AFF3: variants seen among roughly 807,000 people sequenced by gnomAD.
AFF3 encodes ALF transcription elongation factor 3.
In AFF3, 32 loss-of-function variants were observed where a neutral mutation model predicts 129.7. The observed-to-expected ratio is 0.25, with a 90% CI of 0.19 to 0.33. The LOEUF is 0.33. AFF3 is among the 10% of genes least tolerant of loss of function. The probability of loss-of-function intolerance (pLI) is 1.00; values close to 1 mark genes in which losing one functional copy is unlikely to be tolerated. For missense variants in AFF3, 1,373 were observed against 1,592.0 expected (o/e 0.86, Z 2.34); for synonymous variants, 644 against 635.4 (o/e 1.01, Z -0.20).
At chr2:99,588,996 T>C (rs1031703681) in intron 15 of AFF3, among the ~76,000 whole-genome samples, 1 of 152,222 alleles carries the variant, frequency 6.6e-6, no homozygotes, top group Non-Finnish European at 1.5e-5. Context: ...CCATAAGTAA[T>C]ACAACTATTT....
rs1252445890 is a variant in AFF3 at position 99,689,658 on chromosome 2, A to T, written c.1092-17069T>A. The stretch of plus-strand genomic sequence containing the variant: ...AGACACAGGTATTTATTTAATTGCA[A>T]AAAAAAAAAAAAAAAAAAAAAAAAA... On this transcript the variant is annotated intron_variant, in intron 11 of 24. Transcript: ENST00000672756. 2.5e-3 allele frequency among the ~76,000 whole-genome samples: 18 copies of T among 7,178 alleles called. 1 individual carries two copies. The highest frequency in any genetic ancestry group is 6.7e-3 in the Admixed American group (4 of 596). The allele number at this position is 7,178 out of a possible 152,430, so 4.7% of individuals were successfully genotyped here. A position where few individuals can be genotyped will look rare whatever the true frequency, so the allele number is the denominator to read the frequency against.
intron 22 of AFF3, among the ~76,000 whole-genome samples, chr2:99,558,206 G>C (rs1165796067): frequency 1.3e-5 from 2 of 152,156 alleles, no homozygotes; most frequent in Non-Finnish European, 2.9e-5. Context: ...TGGCTCTAAG[G>C]GGTTACTTCT....
chr2:99,801,796 G>A (rs1685965030), intron 8 of AFF3, among the ~76,000 whole-genome samples: 2 of 152,310 alleles, frequency 1.3e-5, no homozygotes, highest in African/African-American at 4.8e-5. Flanking sequence ...TCTATAGCAT[G>A]AGTTACTTAT....
chr2:100,056,346 C>T (rs10209201), intron 4 of AFF3, among the ~76,000 whole-genome samples: 23,237 of 152,136 alleles, frequency 0.15, 2,005 homozygotes, highest in East Asian at 0.28. Flanking sequence ...TGTTCACAAA[C>T]GTCTGCTTAA....
chr2:99,780,482 T>C (rs1391641435), intron 8 of AFF3, among the ~76,000 whole-genome samples: 1 of 152,202 alleles, frequency 6.6e-6, no homozygotes, highest in African/African-American at 2.4e-5. Flanking sequence ...GATATACTTA[T>C]GTTCTGGATG....
chr2:99,948,067 A>G (rs1675806023), intron 7 of AFF3, among the ~76,000 whole-genome samples: 1 of 152,054 alleles, frequency 6.6e-6, no homozygotes, highest in Non-Finnish European at 1.5e-5. Flanking sequence ...AAGCAATAAA[A>G]CCAAGTTGCT....
At chr2:100,047,177 C>T (rs1685905986) in intron 4 of AFF3, among the ~76,000 whole-genome samples, 1 of 152,256 alleles carries the variant, frequency 6.6e-6, no homozygotes, top group African/African-American at 2.4e-5. Flanking sequence ...AGGGCCTCTC[C>T]ACCGTCGCTG....
chr2:99,862,694 G>C (rs1691084240), intron 7 of AFF3, among the ~76,000 whole-genome samples: 1 of 152,224 alleles, frequency 6.6e-6, no homozygotes, highest in Admixed American at 6.5e-5. Context: ...ACATAAAAGG[G>C]ACCTTTGAAA....
At chr2:99,726,466 T>A (rs1427490100) in intron 11 of AFF3, among the ~76,000 whole-genome samples, 1 of 152,256 alleles carries the variant, frequency 6.6e-6, no homozygotes, top group African/African-American at 2.4e-5. Context: ...ATGAATTTTT[T>A]AATTTAAATG....
intron 8 of AFF3, among the ~76,000 whole-genome samples, chr2:99,832,394 T>C (rs958294453): frequency 2.0e-5 from 3 of 152,230 alleles, no homozygotes; most frequent in African/African-American, 7.2e-5. Flanking sequence ...AGATTCTGAA[T>C]TAAGGTGGTC....
At chr2:99,628,874 C>CCAT in intron 13 of AFF3, among the ~76,000 whole-genome samples, 1 of 152,104 alleles carries the variant, frequency 6.6e-6, no homozygotes, top group East Asian at 1.9e-4. Context: ...GCGCGTGCCA[C>CCAT]CATGCCCAGT....
chr2:99,855,206 T>C (rs1273221592), intron 7 of AFF3, among the ~76,000 whole-genome samples: 4 of 152,196 alleles, frequency 2.6e-5, no homozygotes, highest in Admixed American at 2.6e-4. Context: ...AAAGGGTTTC[T>C]TTTGGGTGTG....
At chr2:99,880,403 G>T (rs145720648) in intron 7 of AFF3, among the ~76,000 whole-genome samples, 3 of 152,066 alleles carry the variant, frequency 2.0e-5, no homozygotes, top group African/African-American at 7.2e-5. Context: ...TTTTCCCCTC[G>T]GGAAAGACCA....
intron 8 of AFF3, among the ~76,000 whole-genome samples, chr2:99,753,193 A>G (rs1681810189): frequency 6.6e-6 from 1 of 152,058 alleles, no homozygotes; most frequent in African/African-American, 2.4e-5. Context: ...TCTGCCTCCC[A>G]GGTTCAAGTG....
Position 100,142,510 on chromosome 2 carries a change from T to A in AFF3, c.-254A>T, listed in dbSNP as rs748333312. On this transcript the variant is annotated 5_prime_UTR_variant, in exon 1 of 25. Coordinates refer to ENST00000672756, the MANE Select transcript of AFF3 (RefSeq NM_001386135.1). ...TCTCAGCTCCCGTTCCTTTTCTTTC[T>A]CTCCCCAGTAAGTCGTTGAACGTCT... 5 of 152,312 alleles carry A rather than the reference T, an allele frequency of 3.3e-5. No individual in the cohort carries two copies. Among genetic ancestry groups the A allele is most frequent in the Non-Finnish European group, 7.3e-5 (5 of 68,082 alleles). The allele number at this position is 152,312 out of a possible 1,614,324, so 9.4% of individuals were successfully genotyped here.
intron 12 of AFF3, among the ~76,000 whole-genome samples, chr2:99,650,912 G>A (rs1290490153): frequency 6.6e-6 from 1 of 151,374 alleles, no homozygotes; most frequent in African/African-American, 2.4e-5. Context: ...GGTGGCTCAC[G>A]CCTGTAATCC....
chr2:99,550,930 T>C lies in AFF3; in HGVS notation c.*544A>G, dbSNP rs1379402248. On this transcript the variant is annotated 3_prime_UTR_variant, in exon 25 of 25. Transcript: ENST00000672756. ...CTTATTTTCATTATTCAATTACCCA[T>C]TAATACATACCAATCAAAAAATAAT... 2 of 294,450 alleles carry C rather than the reference T, an allele frequency of 6.8e-6. No homozygotes were observed. The highest frequency in any genetic ancestry group is 4.3e-5 in the African/African-American group (2 of 46,814). 18.2% of individuals were successfully genotyped at this position (294,450 alleles called of 1,614,324 possible). A position where few individuals can be genotyped will look rare whatever the true frequency, so the allele number is the denominator to read the frequency against.
intron 7 of AFF3, among the ~76,000 whole-genome samples, chr2:99,933,660 G>A (rs1258194336): frequency 6.6e-6 from 1 of 152,088 alleles, no homozygotes; most frequent in Non-Finnish European, 1.5e-5. Context: ...CCATGTCCCT[G>A]CAAAGGACAT....
At chr2:99,930,924 T>TC (rs1350244423) in intron 7 of AFF3, among the ~76,000 whole-genome samples, 2 of 152,224 alleles carry the variant, frequency 1.3e-5, no homozygotes. Flanking sequence ...ACAATGGCTC[T>TC]CACAGCACAT....
Sources: gnomAD v4.1 joint callset for allele counts (sites outside exome capture counted in the v4.1 genomes callset) on GRCh38, gnomAD v4.1.1 for gene constraint, MANE v1.5 for transcripts, NCBI Gene and HGNC (gene_info 2026-07-23, HGNC 2026-07-21) for gene names.